CPNE8: variants seen among roughly 807,000 people sequenced by gnomAD.
The protein encoded by CPNE8 is copine-8.
CPNE8 carries 45 observed loss-of-function variants against 81.5 expected under a neutral mutation model. The ratio of observed to expected loss-of-function variants is 0.55; its 90% confidence interval spans 0.44 to 0.71. The LOEUF (loss-of-function observed/expected upper bound fraction) is 0.71, where lower values mean the gene tolerates loss of function less well. CPNE8 is among the 30% of genes least tolerant of loss of function. The pLI is 0.00. For missense variants in CPNE8, 594 were observed against 672.1 expected (o/e 0.88, Z 1.28); for synonymous variants, 252 against 226.3 (o/e 1.11, Z -1.02).
intron 10 of CPNE8, among the ~76,000 whole-genome samples, chr12:38,757,618 A>C (rs1271998505): frequency 6.6e-6 from 1 of 152,026 alleles, no homozygotes; most frequent in Non-Finnish European, 1.5e-5. Flanking sequence ...GGCATCCACA[A>C]ACTGATCATT....
intron 19 of CPNE8, among the ~76,000 whole-genome samples, chr12:38,664,204 A>G (rs1399039180): frequency 6.6e-6 from 1 of 152,134 alleles, no homozygotes; most frequent in Non-Finnish European, 1.5e-5. Context: ...TATACATTGC[A>G]TACATGTAAT....
chr12:38,852,287 G>C (rs543747435), intron 3 of CPNE8, among the ~76,000 whole-genome samples: 1 of 152,136 alleles, frequency 6.6e-6, no homozygotes, highest in East Asian at 1.9e-4. Context: ...AAATTAGCCA[G>C]GCGTGGTGGC....
chr12:38,666,166 A>G (rs1343133092), intron 19 of CPNE8, among the ~76,000 whole-genome samples: 1 of 152,198 alleles, frequency 6.6e-6, no homozygotes, highest in Non-Finnish European at 1.5e-5. Context: ...CAGAATCACT[A>G]CTTGAACTCA....
intron 6 of CPNE8, among the ~76,000 whole-genome samples, chr12:38,817,614 CTTTTTTTTTT>C (rs869168296): frequency 4.4e-5 from 4 of 90,614 alleles, no homozygotes; most frequent in Admixed American, 3.4e-4. Context: ...TTAATTTATT[CTTTTTTTTTT>C]TTTTTTTTTT....
chr12:38,813,901 A>G (rs1211986763), intron 6 of CPNE8, among the ~76,000 whole-genome samples: 3 of 152,212 alleles, frequency 2.0e-5, no homozygotes, highest in Admixed American at 6.5e-5. Context: ...AAGATTTCCA[A>G]TAGCCACAGA....
At chr12:38,671,977 C>G (rs1939186377) in intron 18 of CPNE8, among the ~76,000 whole-genome samples, 1 of 151,950 alleles carries the variant, frequency 6.6e-6, no homozygotes. Context: ...TTTTAATCTC[C>G]CTTACTTCTT....
chr12:38,783,296 T>A (rs1169101270), intron 6 of CPNE8, among the ~76,000 whole-genome samples: 1 of 152,134 alleles, frequency 6.6e-6, no homozygotes, highest in Non-Finnish European at 1.5e-5. Context: ...ACACAAAGCA[T>A]CTTCATAAGA....
chr12:38,757,389 T>C (rs1941482816), intron 10 of CPNE8, among the ~76,000 whole-genome samples: 1 of 151,976 alleles, frequency 6.6e-6, no homozygotes, highest in Non-Finnish European at 1.5e-5. Context: ...GTAATAACCA[T>C]CTTATTAGAC....
At chr12:38,699,445 T>A (rs1052955171) in intron 14 of CPNE8, among the ~76,000 whole-genome samples, 7 of 152,244 alleles carry the variant, frequency 4.6e-5, no homozygotes, top group Non-Finnish European at 7.3e-5. Flanking sequence ...AGCACACTGA[T>A]AACTGATAAC....
At chr12:38,877,878 G>A (rs539965540) in intron 1 of CPNE8, among the ~76,000 whole-genome samples, 3 of 152,304 alleles carry the variant, frequency 2.0e-5, no homozygotes, top group Non-Finnish European at 4.4e-5. Flanking sequence ...ATTCCCAGGA[G>A]GTTAAGGCAT....
intron 14 of CPNE8, among the ~76,000 whole-genome samples, chr12:38,701,621 G>A (rs767784306): frequency 6.6e-6 from 1 of 152,064 alleles, no homozygotes; most frequent in Non-Finnish European, 1.5e-5. Flanking sequence ...AGCCTCCTGA[G>A]TAGCTGGGAC....
intron 15 of CPNE8, among the ~76,000 whole-genome samples, chr12:38,693,024 TA>T (rs938307045): frequency 2.6e-5 from 4 of 152,288 alleles, no homozygotes; most frequent in African/African-American, 9.6e-5. Flanking sequence ...AAGCCCTCCA[TA>T]ACTACAGAGA....
chr12:38,671,505 A>G (rs963624762), intron 18 of CPNE8, among the ~76,000 whole-genome samples: 2 of 152,198 alleles, frequency 1.3e-5, no homozygotes, highest in African/African-American at 4.8e-5. Flanking sequence ...CAGTGCTGCA[A>G]TTAAGAACAT....
intron 8 of CPNE8, among the ~76,000 whole-genome samples, chr12:38,762,433 T>C (rs1184337071): frequency 1.3e-5 from 2 of 152,174 alleles, no homozygotes; most frequent in Non-Finnish European, 2.9e-5. Flanking sequence ...AATCTGAAAA[T>C]TCAATAAATC....
At chr12:38,880,685 A>C (rs1365326206) in intron 1 of CPNE8, among the ~76,000 whole-genome samples, 2 of 152,174 alleles carry the variant, frequency 1.3e-5, no homozygotes, top group Non-Finnish European at 2.9e-5. Flanking sequence ...TTTTTTATGA[A>C]GACAAGGAAA....
intron 1 of CPNE8, among the ~76,000 whole-genome samples, chr12:38,902,230 A>G (rs1944474628): frequency 1.7e-5 from 2 of 120,238 alleles, no homozygotes; most frequent in East Asian, 2.1e-4. Flanking sequence ...AAAGAGAAAG[A>G]AGGAAAGAAA....
chr12:38,863,486 T>C (rs937671035), intron 3 of CPNE8, among the ~76,000 whole-genome samples: 1 of 152,188 alleles, frequency 6.6e-6, no homozygotes, highest in Admixed American at 6.5e-5. Context: ...TGCGTAATCT[T>C]AACAACAAAA....
At chr12:38,862,463 A>G (rs1943851824) in intron 3 of CPNE8, among the ~76,000 whole-genome samples, 2 of 152,160 alleles carry the variant, frequency 1.3e-5, no homozygotes, top group Non-Finnish European at 2.9e-5. Context: ...CCTTTATACT[A>G]TATTTGCACC....
intron 4 of CPNE8, among the ~76,000 whole-genome samples, chr12:38,841,010 A>T (rs536304172): frequency 6.6e-6 from 1 of 152,298 alleles, no homozygotes; most frequent in South Asian, 2.1e-4. Context: ...GCCTCTTTAA[A>T]GGTTAAAGTC....
Sources: gnomAD v4.1 joint callset for allele counts (sites outside exome capture counted in the v4.1 genomes callset) on GRCh38, gnomAD v4.1.1 for gene constraint, MANE v1.5 for transcripts, NCBI Gene and HGNC (gene_info 2026-07-23, HGNC 2026-07-21) for gene names.